The following DDX1 variants were observed in gnomAD, a reference collection of about 807,000 sequenced individuals.
The protein encoded by DDX1 is DEAD-box helicase 1, also known as ATP-dependent RNA helicase DDX1.
DDX1 carries 28 observed loss-of-function variants against 108.7 expected under a neutral mutation model. That is an observed-to-expected ratio of 0.26 (90% CI 0.19 to 0.35). The LOEUF is 0.35. DDX1 is among the 10% of genes least tolerant of loss of function. The probability of loss-of-function intolerance (pLI) is 1.00; values close to 1 mark genes in which losing one functional copy is unlikely to be tolerated. For synonymous variants in DDX1, 295 were observed against 288.9 expected (o/e 1.02, Z -0.21); for missense variants, 710 against 884.5 (o/e 0.80, Z 2.50).
chr2:15,595,306 G>A, intron 2 of DDX1, 110 bp downstream of exon 2: 1 of 1,037,940 alleles, frequency 9.6e-7, no homozygotes, highest in Non-Finnish European at 1.4e-6. Flanking sequence ...TGAAAATCAG[G>A]TTTTTTTTGT....
chr2:15,611,881 A>T (rs1428054473), intron 13 of DDX1, among the ~76,000 whole-genome samples: 7 of 23,498 alleles, frequency 3.0e-4, no homozygotes, highest in African/African-American at 8.6e-4. Context: ...GGCGCCCCTC[A>T]CCTCCCGGAC....
At chr2:15,607,424 C>A in intron 13 of DDX1, 111 bp downstream of exon 13, 2 of 848,528 alleles carry the variant, frequency 2.4e-6, no homozygotes, top group Non-Finnish European at 1.8e-6. Context: ...ATACATAATA[C>A]ACGTGTGTGA....
At position 15,604,581 on chromosome 2, in the gene DDX1, C is replaced by T. The variant is rs1156725672; in HGVS notation, c.625+72C>T. 8 of 1,021,786 alleles carry T rather than the reference C, an allele frequency of 7.8e-6. 1 individual carries two copies. The Admixed American group carries it at 1.3e-4, about 16-fold the overall frequency. 63.3% of individuals were successfully genotyped at this position (1,021,786 alleles called of 1,614,324 possible). ...ATAATTGTGGTTTTTAAAAATCCCC[C>T]CACCCTGTTTTTCAAATCCCCGTCC... On this transcript the variant is annotated intron_variant, in intron 10 of 25. Transcript: ENST00000233084.
intron 18 of DDX1, 185 bp downstream of exon 18, chr2:15,621,301 A>C (rs1474074638): frequency 1.8e-6 from 1 of 550,004 alleles, no homozygotes; most frequent in Admixed American, 3.6e-5. Flanking sequence ...AATATGAATC[A>C]TTGAATTTAT....
At position 15,620,399 on chromosome 2, in the gene DDX1, A is replaced by C; in HGVS notation, c.1395+3A>C. ...GGCTTGGAAAGAGCCACATTAGAGT[A>C]AGTGGTTTATAATATTAACATTTAT... On this transcript the variant is annotated splice_donor_region_variant and intron_variant, in intron 17 of 25. Transcript: ENST00000233084. 1 of 1,605,586 alleles carries C rather than the reference A, an allele frequency of 6.2e-7. No individual in the cohort carries two copies. The highest frequency in any genetic ancestry group is 8.5e-7 in the Non-Finnish European group (1 of 1,176,986).
chr2:15,619,377 T>C (rs1413587565), intron 16 of DDX1, among the ~76,000 whole-genome samples: 1 of 152,148 alleles, frequency 6.6e-6, no homozygotes, highest in African/African-American at 2.4e-5. Flanking sequence ...GAGCGGGTCC[T>C]GCCCAGCTTC....
At chr2:15,609,614 CT>C (rs1665721613) in intron 13 of DDX1, among the ~76,000 whole-genome samples, 1 of 152,138 alleles carries the variant, frequency 6.6e-6, no homozygotes, top group South Asian at 2.1e-4. Context: ...AGGGGTGGTT[CT>C]TTTATATTCT....
At chr2:15,614,904 C>G (rs1043885750) in intron 14 of DDX1, among the ~76,000 whole-genome samples, 1 of 152,214 alleles carries the variant, frequency 6.6e-6, no homozygotes, top group African/African-American at 2.4e-5. Flanking sequence ...ATATGTTTCT[C>G]AATTCCTATT....
In DDX1 at chr2:15,607,216, C is replaced by T; in HGVS notation, c.859C>T (p.Pro287Ser). Residue 287 changes from proline (P) to serine (S), a missense_variant, in exon 13 of 26, where the codon CCG becomes TCG. This residue lies in a region of DDX1 where 661 missense variants were observed against 810.2 expected (regional missense o/e 0.82). Transcript: ENST00000233084. ...ACAAACAAAGTTTCTCCCCAATGCT[C>T]CGAAAGCTCTCATTGTTGAACCTTC... ...VTQTKFLPNA[P>S]KALIVEPSRE... 3 of 1,613,976 alleles carry T rather than the reference C, an allele frequency of 1.9e-6. No individual in the cohort carries two copies. The highest frequency in any genetic ancestry group is 2.5e-6 in the Non-Finnish European group (3 of 1,179,902).
At chr2:15,609,129 G>T (rs1288575797) in intron 13 of DDX1, among the ~76,000 whole-genome samples, 1 of 152,174 alleles carries the variant, frequency 6.6e-6, no homozygotes, top group Non-Finnish European at 1.5e-5. Flanking sequence ...TGTAACCAGG[G>T]CATCTGCTTA....
intron 13 of DDX1, among the ~76,000 whole-genome samples, chr2:15,607,990 G>A (rs370464951): frequency 5.3e-5 from 8 of 152,246 alleles, no homozygotes; most frequent in African/African-American, 1.9e-4. Flanking sequence ...CATCACGGTG[G>A]TGGCTTTCTT....
In DDX1 at chr2:15,630,991, G is replaced by A. The variant is rs12105871; in HGVS notation, c.*85G>A. Reference sequence around the variant, plus strand: ...ACAGTTGTACTGCTTCCAAGCAGCAGTATTTATAGTAACGTAAGCTATTAA... The same window carrying A: ...ACAGTTGTACTGCTTCCAAGCAGCAATATTTATAGTAACGTAAGCTATTAA... On this transcript the variant is annotated 3_prime_UTR_variant, in exon 26 of 26. Coordinates refer to ENST00000233084, the MANE Select transcript of DDX1 (RefSeq NM_004939.3). 1.5e-3 allele frequency: 2,011 copies of A among 1,327,088 alleles called. 23 individuals carry two copies. In the African/African-American group the frequency reaches 0.026, roughly 17 times the overall value. 82.2% of individuals were successfully genotyped at this position (1,327,088 alleles called of 1,614,324 possible).
chr2:15,625,224 AATCT>A (rs879407218), intron 19 of DDX1, among the ~76,000 whole-genome samples: 17 of 147,636 alleles, frequency 1.2e-4, no homozygotes, highest in Admixed American at 3.4e-4. Flanking sequence ...ACACTGTATC[AATCT>A]ATTTATATGA....
At chr2:15,594,727 A>G (rs943910824) in intron 1 of DDX1, among the ~76,000 whole-genome samples, 3 of 152,180 alleles carry the variant, frequency 2.0e-5, no homozygotes, top group African/African-American at 7.2e-5. Context: ...TAACTGCCAC[A>G]TTGTCTCTAA....
At chr2:15,600,831 C>T (rs774238076) in intron 6 of DDX1, among the ~76,000 whole-genome samples, 4 of 144,102 alleles carry the variant, frequency 2.8e-5, no homozygotes, top group Non-Finnish European at 5.9e-5. Context: ...TCACTGCAAG[C>T]TCCACCTCAC....
At position 15,628,451 on chromosome 2, in the gene DDX1, G is replaced by A; in HGVS notation, c.1693G>A (p.Asp565Asn). 1 of 1,611,420 alleles carries A rather than the reference G, an allele frequency of 6.2e-7. No homozygotes were observed. Among genetic ancestry groups the A allele is most frequent in the Middle Eastern group, 1.7e-4 (1 of 6,010 alleles). ...KQNLERFKKG[D>N]VRFLICTDVA... ...TCTTCACTGTTCTCTTTAGAAAGGA[G>A]ATGTAAGATTCTTGATTTGCACAGA... is the stretch of plus-strand genomic sequence containing the variant. Residue 565 changes from aspartate (D) to asparagine (N), a missense_variant, in exon 21 of 26, where the codon GAT becomes AAT. Asp to Asn is a conservative substitution (Grantham distance 23, BLOSUM62 1). This residue lies in a region of DDX1 where 661 missense variants were observed against 810.2 expected (regional missense o/e 0.82). Transcript: ENST00000233084.
chr2:15,616,004 T>TC (rs1163370856), intron 14 of DDX1, among the ~76,000 whole-genome samples: 1 of 152,004 alleles, frequency 6.6e-6, no homozygotes, highest in Non-Finnish European at 1.5e-5. Flanking sequence ...GCAGTTCTCC[T>TC]CCCTCAGCCT....
chr2:15,600,812 G>A lies in DDX1; in HGVS notation c.307+1096G>A, dbSNP rs189320929. Among the ~76,000 whole-genome samples the A allele has an allele frequency of 1.8e-3, 230 of 127,452 alleles. 2 individuals carry two copies. The highest frequency in any genetic ancestry group is 3.5e-3 in the Admixed American group (35 of 9,920). 83.6% of individuals were successfully genotyped at this position (127,452 alleles called of 152,430 possible). ...TGCCCAGGCTGGAGTGCAGTGGCGC[G>A]ATCTCAGCTCACTGCAAGCTCCACC... is the stretch of plus-strand genomic sequence containing the variant. On this transcript the variant is annotated intron_variant, in intron 6 of 25. Transcript: ENST00000233084.
intron 16 of DDX1, among the ~76,000 whole-genome samples, chr2:15,618,999 AG>A (rs879564298): frequency 6.6e-6 from 1 of 152,200 alleles, no homozygotes; most frequent in Admixed American, 6.5e-5. Context: ...TGTGGGGGCA[AG>A]GGAGGGCCTT....
Sources: gnomAD v4.1 joint callset for allele counts (sites outside exome capture counted in the v4.1 genomes callset) on GRCh38, gnomAD v4.1.1 for gene constraint, gnomAD v4.1.1 regional missense constraint, MANE v1.5 for transcripts, NCBI Gene and HGNC (gene_info 2026-07-23, HGNC 2026-07-21) for gene names.